Variants in ACOT4 observed in about 807,000 individuals in gnomAD.
The protein encoded by ACOT4 is acyl-CoA thioesterase 4.
Under a neutral mutation model 17.1 loss-of-function variants are expected in ACOT4, and 18 were observed. That is an observed-to-expected ratio of 1.05 (90% CI 0.73 to 1.56). The LOEUF (loss-of-function observed/expected upper bound fraction) is 1.56, where lower values mean the gene tolerates loss of function less well. ACOT4 is among the 40% of genes most tolerant of loss of function. The pLI, the probability that ACOT4 is intolerant of heterozygous loss-of-function variation, is 0.00. For missense variants in ACOT4, 574 were observed against 557.2 expected (o/e 1.03, Z -0.30); for synonymous variants, 234 against 236.6 (o/e 0.99, Z 0.10).
intron 2 of ACOT4, 71 bp downstream of exon 2, chr14:73,593,975 G>A (rs369066813): frequency 5.1e-6 from 7 of 1,362,016 alleles, no homozygotes; most frequent in East Asian, 2.3e-5. Flanking sequence ...CCTTTACCAC[G>A]TGCAGAAATG....
intron 1 of ACOT4, among the ~76,000 whole-genome samples, chr14:73,593,236 C>T (rs1890183798): frequency 1.3e-5 from 2 of 152,116 alleles, no homozygotes; most frequent in African/African-American, 4.8e-5. Context: ...TCTTTCCTCC[C>T]TTTCTACATA....
chr14:73,593,611 G>C, intron 1 of ACOT4, 91 bp from the exon 2 acceptor site: 1 of 1,287,420 alleles, frequency 7.8e-7, no homozygotes, highest in Non-Finnish European at 1.1e-6. Context: ...CTAAAGTGCT[G>C]AGATTACAAG....
At position 73,592,282 on chromosome 14, in the gene ACOT4, T is replaced by TG. The variant is rs1183060332; in HGVS notation, c.324dup (p.Leu109AlafsTer54). ...ATTCCTTTTGTCGTGGAGTTGGAGG[T>TG]GCTGGACGGCCACGACCCCGAGCCT... On this transcript the variant is annotated frameshift_variant, in exon 1 of 3. Coordinates refer to ENST00000326303, the MANE Select transcript of ACOT4 (RefSeq NM_152331.4). LOFTEE classifies it high-confidence loss of function. 9.3e-6 allele frequency: 15 copies of TG among 1,612,244 alleles called. No homozygotes were observed. Among genetic ancestry groups the TG allele is most frequent in the Non-Finnish European group, 1.2e-5 (14 of 1,179,224 alleles).
Position 73,595,331 on chromosome 14 carries a change from CA to C in ACOT4, c.944del (p.Gln315ArgfsTer64). On this transcript the variant is annotated frameshift_variant, in exon 3 of 3. Transcript: ENST00000326303. LOFTEE classifies it low-confidence loss of function (END_TRUNC). ...CAGCATGATTCCAATAGAGAAGGCC[CA>C]GGGGCCCATCCTGCTCATTGTTGGT... The part of the protein sequence containing the change: ...NPSMIPIEKA[Q>X]GPILLIVGQD... 6.2e-7 allele frequency: 1 copy of C among 1,614,222 alleles called. No homozygotes were observed. The highest frequency in any genetic ancestry group is 8.5e-7 in the Non-Finnish European group (1 of 1,180,046).
Position 73,595,508 on chromosome 14 carries a change from C to T in ACOT4, c.1120C>T (p.Leu374Phe). 1 of 1,613,736 alleles carries T rather than the reference C, an allele frequency of 6.2e-7. No individual in the cohort carries two copies. The highest frequency in any genetic ancestry group is 8.5e-7 in the Non-Finnish European group (1 of 1,179,638). Residue 374 changes from leucine to phenylalanine, a missense_variant, in exon 3 of 3, where the codon CTT becomes TTT. Physicochemically the swap from Leu to Phe is conservative, Grantham distance 22 (BLOSUM62 0). Transcript: ENST00000326303. Reference sequence around the variant, plus strand: ...TTACTTCCCCCTGTGCCCAGCTTCCCTTCACAGATTACTGAACAAACATGT... The same window carrying T: ...TTACTTCCCCCTGTGCCCAGCTTCCTTTCACAGATTACTGAACAAACATGT... ...PPYFPLCPAS[L>F]HRLLNKHVIW...
rs1433635774 is a variant in ACOT4, at chr14:73,593,903, A to C, written c.659A>C (p.Gln220Pro). The C allele has an allele frequency of 6.2e-7, 1 of 1,610,296 alleles. No individual in the cohort carries two copies. Among genetic ancestry groups the C allele is most frequent in the Non-Finnish European group, 8.5e-7 (1 of 1,177,478 alleles). The change falls in exon 2 of 3, where the codon CAG becomes CCG. Residue 220 changes from glutamine (Q) to proline (P), a missense_variant and splice_region_variant. Physicochemically the swap from Gln to Pro is moderately conservative, Grantham distance 76. Coordinates refer to ENST00000326303, the MANE Select transcript of ACOT4 (RefSeq NM_152331.4). ...GTATGCTACATGCTTCAACATCCCCAGGTTCTCCTCATGTCCTTTATTTAA... is the reference window on the plus strand; with the variant it reads ...GTATGCTACATGCTTCAACATCCCCCGGTTCTCCTCATGTCCTTTATTTAA... ...EAVCYMLQHPQVKGPGIGLLG... is the reference protein window; with the variant it reads ...EAVCYMLQHPPVKGPGIGLLG...
chr14:73,593,598 C>T (rs998276575), intron 1 of ACOT4, 104 bp from the exon 2 acceptor site: 7 of 1,117,948 alleles, frequency 6.3e-6, no homozygotes, highest in Non-Finnish European at 8.9e-6. Context: ...CTGCCTTGGC[C>T]TCCTAAAGTG....
chr14:73,594,025 T>TG, intron 2 of ACOT4, 121 bp downstream of exon 2: 1 of 875,862 alleles, frequency 1.1e-6, no homozygotes. Context: ...TTCTGGAGAC[T>TG]TCCTTGGCTT....
Position 73,595,030 on chromosome 14 carries a change from C to T in ACOT4, c.661-19C>T. On this transcript the variant is annotated intron_variant, in intron 2 of 2. Transcript: ENST00000326303. ...TGGATAAGTTATTGACTCAACTCTCCTCTCTTCTTTTCTTCCAGGTAAAAG... is the reference window on the plus strand; with the variant it reads ...TGGATAAGTTATTGACTCAACTCTCTTCTCTTCTTTTCTTCCAGGTAAAAG... 2.5e-6 allele frequency: 4 copies of T among 1,611,362 alleles called. No individual in the cohort carries two copies. Among genetic ancestry groups the T allele is most frequent in the African/African-American group, 1.3e-5 (1 of 74,854 alleles).
At chr14:73,593,005 T>G (rs552669119) in intron 1 of ACOT4, among the ~76,000 whole-genome samples, 2 of 152,380 alleles carry the variant, frequency 1.3e-5, no homozygotes, top group South Asian at 4.1e-4. Context: ...AGGTACATTA[T>G]CCACTTTGCT....
At chr14:73,594,009 G>C (rs1697314332) in intron 2 of ACOT4, 105 bp downstream of exon 2, 1 of 1,079,186 alleles carries the variant, frequency 9.3e-7, no homozygotes, top group African/African-American at 1.6e-5. Flanking sequence ...CTTTCACAAA[G>C]ATGTCTTCTG....
In ACOT4 at chr14:73,591,933, C is replaced by G; in HGVS notation, c.-27C>G. The G allele has an allele frequency of 7.4e-7, 1 of 1,360,024 alleles. No individual in the cohort carries two copies. The highest frequency in any genetic ancestry group is 9.5e-7 in the Non-Finnish European group (1 of 1,055,022). 84.2% of individuals were successfully genotyped at this position (1,360,024 alleles called of 1,614,324 possible). On this transcript the variant is annotated 5_prime_UTR_variant, in exon 1 of 3. Coordinates refer to ENST00000326303, the MANE Select transcript of ACOT4 (RefSeq NM_152331.4). ...TCTTGGACGGGTCTCGGGCCTCGAC[C>G]TTTGAATTCCCCGCTCCGGCTCCAA...
intron 1 of ACOT4, among the ~76,000 whole-genome samples, chr14:73,593,118 T>G (rs1226359204): frequency 2.0e-5 from 3 of 152,202 alleles, no homozygotes; most frequent in Non-Finnish European, 4.4e-5. Flanking sequence ...TCTCTAGTGT[T>G]CTAGGCACAC....
At position 73,593,698 on chromosome 14, in the gene ACOT4, C is replaced by G. The variant is rs773598602; in HGVS notation, c.458-4C>G. ...GCTTACATTTATAATATTTTGTTCT[C>G]TAGGACCTGGACCCTTCCCAGGGAT... On this transcript the variant is annotated splice_polypyrimidine_tract_variant and splice_region_variant and intron_variant, in intron 1 of 2. Transcript: ENST00000326303. 1.2e-5 allele frequency: 19 copies of G among 1,599,778 alleles called. No homozygotes were observed. Among genetic ancestry groups the G allele is most frequent in the Middle Eastern group, 1.9e-4 (1 of 5,390 alleles).
In ACOT4 at chr14:73,595,149, T is replaced by G; in HGVS notation, c.761T>G (p.Ile254Ser). The G allele has an allele frequency of 6.2e-7, 1 of 1,614,232 alleles. No individual in the cohort carries two copies. Among genetic ancestry groups the G allele is most frequent in the Non-Finnish European group, 8.5e-7 (1 of 1,180,040 alleles). ...FLKNVSATVS[I>S]NGSGISGNTA... ...AAGAATGTCTCAGCCACAGTTTCCA[T>G]CAATGGATCTGGGATCAGTGGGAAC... The change falls in exon 3 of 3, where the codon ATC becomes AGC. Residue 254 changes from isoleucine (I) to serine (S), a missense_variant. Physicochemically the swap from Ile to Ser is moderately radical, Grantham distance 142 (BLOSUM62 -2). Transcript: ENST00000326303.
rs61729698 is a variant in ACOT4, at chr14:73,595,402, C to T, written c.1014C>T (p.Val338=). The change falls in exon 3 of 3, where the codon GTC becomes GTT. Residue 338 remains valine, a synonymous_variant. Transcript: ENST00000326303. ...NWRSELYAQT[V]SERLQAHGKE... The stretch of plus-strand genomic sequence containing the variant: ...GAAGTGAGTTGTATGCCCAAACAGT[C>T]TCTGAACGGTTACAGGCCCATGGAA... 9.0e-4 allele frequency: 1,457 copies of T among 1,614,232 alleles called. 10 individuals are homozygous for T. In the African/African-American group the frequency reaches 0.016, roughly 17 times the overall value.
chr14:73,592,281 G>T lies in ACOT4; in HGVS notation c.322G>T (p.Val108Leu). The part of the protein sequence containing the change: ...VQIPFVVELE[V>L]LDGHDPEPGR... ...GATTCCTTTTGTCGTGGAGTTGGAG[G>T]TGCTGGACGGCCACGACCCCGAGCC... is the stretch of plus-strand genomic sequence containing the variant. The change falls in exon 1 of 3, where the codon GTG becomes TTG. Residue 108 changes from valine (V) to leucine (L), a missense_variant. Physicochemically the swap from Val to Leu is conservative, Grantham distance 32. Transcript: ENST00000326303. The T allele has an allele frequency of 1.9e-6, 3 of 1,612,568 alleles. No homozygotes were observed. Among genetic ancestry groups the T allele is most frequent in the Non-Finnish European group, 2.5e-6 (3 of 1,179,302 alleles).
At position 73,592,269 on chromosome 14, in the gene ACOT4, G is replaced by T. The variant is rs769712013; in HGVS notation, c.310G>T (p.Val104Leu). 1 of 1,613,046 alleles carries T rather than the reference G, an allele frequency of 6.2e-7. No individual in the cohort carries two copies. Among genetic ancestry groups the T allele is most frequent in the South Asian group, 1.1e-5 (1 of 90,972 alleles). ...GCGGGACGTACAGATTCCTTTTGTC[G>T]TGGAGTTGGAGGTGCTGGACGGCCA... ...LKRDVQIPFVVELEVLDGHDP... is the reference protein window; with the variant it reads ...LKRDVQIPFVLELEVLDGHDP... The change falls in exon 1 of 3, where the codon GTG (valine) becomes TTG (leucine). Residue 104 changes from valine (V) to leucine (L), a missense_variant. Val to Leu is a conservative substitution (Grantham distance 32). Transcript: ENST00000326303.
Position 73,595,222 on chromosome 14 carries a change from C to T in ACOT4, c.834C>T (p.Asp278=). 1 of 1,614,188 alleles carries T rather than the reference C, an allele frequency of 6.2e-7. No individual in the cohort carries two copies. The highest frequency in any genetic ancestry group is 8.5e-7 in the Non-Finnish European group (1 of 1,180,044). Residue 278 remains aspartate (D), a synonymous_variant, in exon 3 of 3, where the codon GAC becomes GAT. Transcript: ENST00000326303. The stretch of plus-strand genomic sequence containing the variant: ...GTAGCATTCCACCATTGGGCTATGA[C>T]CTGAGGAGAATCAAGGTAGCTTTCT... The part of the protein sequence containing the change: ...KHSSIPPLGY[D]LRRIKVAFSG...
Sources: allele counts gnomAD v4.1 joint callset (sites outside exome capture counted in the v4.1 genomes callset), GRCh38; gene constraint gnomAD v4.1.1; transcripts MANE v1.5; gene names NCBI Gene and HGNC (gene_info 2026-07-23, HGNC 2026-07-21).